GPRASP3: variants seen among roughly 807,000 people sequenced by gnomAD.
The protein encoded by GPRASP3 is G protein-coupled receptor associated sorting protein family member 3.
At chrX:102,727,239 T>G in the GPRASP3 span, among the ~76,000 whole-genome samples, 1 of 112,898 alleles carries the variant, frequency 8.9e-6, no homozygotes, top group African/African-American at 3.2e-5. Context: ...CTCTTTCTTC[T>G]GCCATTCACA....
At chrX:102,736,195 T>G in the GPRASP3 span, among the ~76,000 whole-genome samples, 2 of 112,490 alleles carry the variant, frequency 1.8e-5, no homozygotes, top group East Asian at 5.6e-4. Flanking sequence ...AGACCAAATG[T>G]CTAAATTTTT....
At chrX:102,743,526 G>A in the GPRASP3 span, among the ~76,000 whole-genome samples, 84 of 111,067 alleles carry the variant, frequency 7.6e-4, no homozygotes, top group African/African-American at 2.6e-3. Flanking sequence ...GTAACCGCCC[G>A]ATGGGTTCTT....
At chrX:102,752,462 T>C in the GPRASP3 span, 2 of 123,679 alleles carry the variant, frequency 1.6e-5, no homozygotes, top group South Asian at 7.4e-4. Flanking sequence ...ACTTAATATT[T>C]TTCCCATGTT....
chrX:102,742,089 C>T, the GPRASP3 span, among the ~76,000 whole-genome samples: 4 of 112,126 alleles, frequency 3.6e-5, no homozygotes, highest in Non-Finnish European at 1.9e-5. Context: ...GGCATGCTTG[C>T]TATTGCCCTC....
At chrX:102,722,656 A>C in the GPRASP3 span, among the ~76,000 whole-genome samples, 2 of 111,586 alleles carry the variant, frequency 1.8e-5, no homozygotes, top group African/African-American at 6.5e-5. Context: ...TCATCTCGGA[A>C]CATAAAAAAA....
chrX:102,734,566 G>A, the GPRASP3 span, among the ~76,000 whole-genome samples: 3 of 111,640 alleles, frequency 2.7e-5, no homozygotes, highest in South Asian at 3.7e-4. Context: ...GCAGTGAGCC[G>A]AGATTGGGCT....
chrX:102,734,015 T>TTGAGCCAGGA, the GPRASP3 span, among the ~76,000 whole-genome samples: 1 of 110,612 alleles, frequency 9.0e-6, no homozygotes, highest in Admixed American at 9.7e-5. Context: ...GGGGGAACTT[T>TTGAGCCAGGA]TGAGCCAGGA....
the GPRASP3 span, among the ~76,000 whole-genome samples, chrX:102,724,429 T>G: frequency 9.0e-6 from 1 of 111,625 alleles, no homozygotes; most frequent in Non-Finnish European, 1.9e-5. Context: ...TTTTGTGGCA[T>G]GTACCTGTAA....
the GPRASP3 span, chrX:102,749,785 G>A: frequency 8.3e-7 from 1 of 1,211,717 alleles, no homozygotes; most frequent in Non-Finnish European, 1.1e-6. Context: ...TGTGGCAACA[G>A]CTTGCCGCCC....
the GPRASP3 span, chrX:102,750,439 A>G: frequency 1.7e-6 from 2 of 1,203,867 alleles, no homozygotes; most frequent in African/African-American, 3.5e-5. Context: ...CAGAGACATG[A>G]TCAATATGAA....
the GPRASP3 span, among the ~76,000 whole-genome samples, chrX:102,729,270 C>T: frequency 8.9e-6 from 1 of 111,935 alleles, no homozygotes; most frequent in East Asian, 2.8e-4. Flanking sequence ...TTATCAGAGC[C>T]TTATCTCAGC....
the GPRASP3 span, chrX:102,749,047 G>C: frequency 1.9e-5 from 23 of 1,209,554 alleles, no homozygotes; most frequent in Middle Eastern, 7.0e-4. Flanking sequence ...TGAAAAAAAG[G>C]CTGCTATACA....
At chrX:102,726,717 T>A in the GPRASP3 span, among the ~76,000 whole-genome samples, 2 of 112,680 alleles carry the variant, frequency 1.8e-5, no homozygotes, top group African/African-American at 6.5e-5. Flanking sequence ...CACAGTCCCC[T>A]GAACTGAAAG....
the GPRASP3 span, among the ~76,000 whole-genome samples, chrX:102,740,191 G>A: frequency 8.9e-6 from 1 of 111,905 alleles, no homozygotes; most frequent in Non-Finnish European, 1.9e-5. Context: ...CCTACTTGGT[G>A]TGGACCCTAA....
the GPRASP3 span, among the ~76,000 whole-genome samples, chrX:102,729,226 T>TA: frequency 1.1e-3 from 122 of 110,462 alleles, no homozygotes; most frequent in African/African-American, 1.8e-3. Flanking sequence ...CTTCATTTTT[T>TA]AAAAAAAAAG....
chrX:102,729,795 G>A, the GPRASP3 span, among the ~76,000 whole-genome samples: 4 of 111,701 alleles, frequency 3.6e-5, no homozygotes, highest in East Asian at 5.6e-4. Context: ...GCTTGAACCC[G>A]GGAGGTGGAG....
the GPRASP3 span, among the ~76,000 whole-genome samples, chrX:102,739,100 G>C: frequency 9.0e-6 from 1 of 110,939 alleles, no homozygotes; most frequent in Non-Finnish European, 1.9e-5. Flanking sequence ...AGTGAGCAGA[G>C]GGATGACTTT....
the GPRASP3 span, among the ~76,000 whole-genome samples, chrX:102,733,556 A>T: frequency 9.1e-6 from 1 of 110,453 alleles, no homozygotes. Context: ...ACAGGAGTAT[A>T]CTTTACTCAA....
chrX:102,737,936 A>T, the GPRASP3 span, among the ~76,000 whole-genome samples: 1 of 111,112 alleles, frequency 9.0e-6, no homozygotes, highest in Non-Finnish European at 1.9e-5. Context: ...CCCTTAAGTA[A>T]TATAAAGGGG....
Sources: gnomAD v4.1 joint callset for allele counts (sites outside exome capture counted in the v4.1 genomes callset) on GRCh38, gnomAD v4.1.1 for gene constraint, MANE v1.5 for transcripts, NCBI Gene and HGNC (gene_info 2026-07-23, HGNC 2026-07-21) for gene names.